The following HPSE2 variants were observed in gnomAD, a reference collection of about 807,000 sequenced individuals.
The protein encoded by HPSE2 is inactive heparanase-2.
Under a neutral mutation model 60.5 loss-of-function variants are expected in HPSE2, and 38 were observed. That is an observed-to-expected ratio of 0.63 (90% CI 0.48 to 0.82). The LOEUF (loss-of-function observed/expected upper bound fraction) is 0.82. Among genes scored for constraint, HPSE2 ranks in the 40% least tolerant of loss-of-function variants. The pLI is 0.00. For missense variants in HPSE2, 713 were observed against 740.4 expected, an observed-to-expected ratio of 0.96 and a Z score of 0.43; for synonymous variants, 295 against 293.2, an observed-to-expected ratio of 1.01 and a Z score of -0.06.
chr10:99,263,375 A>G, the HPSE2 span, among the ~76,000 whole-genome samples: 2 of 152,010 alleles, frequency 1.3e-5, no homozygotes, highest in Non-Finnish European at 2.9e-5. Flanking sequence ...ATTTATGCTG[A>G]CTCTAAATAT....
chr10:98,724,430 A>C (rs1003518401), intron 4 of HPSE2, among the ~76,000 whole-genome samples: 7 of 152,160 alleles, frequency 4.6e-5, no homozygotes, highest in Non-Finnish European at 1.0e-4. Context: ...GCTGAAAAGA[A>C]TGTATATTCT....
At chr10:98,805,054 T>C (rs1951010522) in intron 3 of HPSE2, among the ~76,000 whole-genome samples, 1 of 152,180 alleles carries the variant, frequency 6.6e-6, no homozygotes, top group South Asian at 2.1e-4. Flanking sequence ...ACATCGCATG[T>C]TCTTACTTAC....
At chr10:98,735,043 G>A (rs189798435) in intron 4 of HPSE2, among the ~76,000 whole-genome samples, 4 of 152,102 alleles carry the variant, frequency 2.6e-5, no homozygotes, top group Admixed American at 6.5e-5. Context: ...TTTACTCTTC[G>A]TGTTATACAG....
At chr10:99,246,745 CAAA>C in the HPSE2 span, among the ~76,000 whole-genome samples, 28 of 149,470 alleles carry the variant, frequency 1.9e-4, no homozygotes, top group African/African-American at 6.1e-4. Flanking sequence ...GACTCCATCT[CAAA>C]AAAAAAAAAA....
At chr10:98,537,675 C>T (rs371412767) in intron 9 of HPSE2, among the ~76,000 whole-genome samples, 56 of 152,234 alleles carry the variant, frequency 3.7e-4, no homozygotes, top group African/African-American at 1.2e-3. Flanking sequence ...CAAGCGGTAA[C>T]GCCAGTGTCT....
intron 6 of HPSE2, among the ~76,000 whole-genome samples, chr10:98,644,776 CCTT>C (rs1946724531): frequency 6.6e-6 from 1 of 152,180 alleles, no homozygotes; most frequent in South Asian, 2.1e-4. Context: ...TCCAATTGCT[CCTT>C]CATGTGATAC....
At chr10:98,495,490 T>C (rs1941804514) in intron 9 of HPSE2, among the ~76,000 whole-genome samples, 1 of 152,192 alleles carries the variant, frequency 6.6e-6, no homozygotes, top group South Asian at 2.1e-4. Flanking sequence ...TCTCTTCTCC[T>C]TCTGGGACTC....
chr10:98,614,543 T>C (rs912837733), intron 9 of HPSE2, among the ~76,000 whole-genome samples: 4 of 152,116 alleles, frequency 2.6e-5, no homozygotes, highest in Non-Finnish European at 5.9e-5. Flanking sequence ...CCACCCGCCT[T>C]GGCCTCCCAA....
the HPSE2 span, among the ~76,000 whole-genome samples, chr10:99,314,642 T>C: frequency 1.0e-4 from 16 of 152,384 alleles, no homozygotes; most frequent in African/African-American, 3.8e-4. Context: ...GGTATGGCTG[T>C]ATCTCTTAAT....
At position 98,656,246 on chromosome 10, in the gene HPSE2, C is replaced by A. The variant is rs149316700; in HGVS notation, c.1005-14306G>T. Among the ~76,000 whole-genome samples the A allele has an allele frequency of 1.5e-3, 230 of 152,236 alleles. 3 individuals carry two copies. The highest frequency in any genetic ancestry group is 5.3e-3 in the African/African-American group (219 of 41,552). On this transcript the variant is annotated intron_variant, in intron 6 of 11. Coordinates refer to ENST00000370552, the MANE Select transcript of HPSE2 (RefSeq NM_021828.5). ...GACTACAGGCGCATCCCACCACACC[C>A]GGCTAATGCTTTGTAATTTTAGTAC...
At chr10:98,583,592 C>T (rs1944862492) in intron 9 of HPSE2, among the ~76,000 whole-genome samples, 1 of 152,216 alleles carries the variant, frequency 6.6e-6, no homozygotes, top group Non-Finnish European at 1.5e-5. Flanking sequence ...TGTAACCTTC[C>T]TCTTTTCCCC....
chr10:98,698,491 G>C (rs1468257323), intron 5 of HPSE2, among the ~76,000 whole-genome samples: 1 of 152,000 alleles, frequency 6.6e-6, no homozygotes, highest in Non-Finnish European at 1.5e-5. Context: ...ATTCAAAGCA[G>C]TGTGAAGAGG....
intron 2 of HPSE2, among the ~76,000 whole-genome samples, chr10:99,163,032 ACT>A (rs1180649634): frequency 1.3e-5 from 2 of 151,996 alleles, no homozygotes. Context: ...ACACGGTGAA[ACT>A]CTGTCTCTAC....
Position 98,614,935 on chromosome 10 carries a change from T to C in HPSE2, c.1289A>G (p.His430Arg). ...TGGGTTAAAATTCTGGTCCACGAGG[T>C]GATTGTATCCATGGTCAAAAAATGA... ...RHSFFDHGYN[H>R]LVDQNFNPLP... is the part of the protein sequence containing the mutation. The change falls in exon 9 of 12, where the codon CAC (histidine) becomes CGC (arginine). Residue 430 changes from histidine (H) to arginine (R), a missense_variant. His to Arg is a conservative substitution (Grantham distance 29). Coordinates refer to ENST00000370552, the MANE Select transcript of HPSE2 (RefSeq NM_021828.5). The C allele has an allele frequency of 3.1e-6, 5 of 1,613,880 alleles. No individual in the cohort carries two copies. Among genetic ancestry groups the C allele is most frequent in the Non-Finnish European group, 4.2e-6 (5 of 1,179,752 alleles).
At chr10:98,995,746 A>C (rs1956629126) in intron 3 of HPSE2, among the ~76,000 whole-genome samples, 1 of 152,148 alleles carries the variant, frequency 6.6e-6, no homozygotes, top group East Asian at 1.9e-4. Context: ...CTTAAAAATC[A>C]GTAAATAAAA....
rs917179096 is a variant in HPSE2, at chr10:98,688,359, AT to A, written c.1004+5540del. 2.6e-4 allele frequency among the ~76,000 whole-genome samples: 40 copies of A among 150,950 alleles called. 1 individual carries two copies. The highest frequency in any genetic ancestry group is 1.5e-5 in the Non-Finnish European group (1 of 67,794). ...AATTGGGGAAAAAGTAGCCTTTTAT[AT>A]TTAGCCACAAATGTACCATTTCCAA... On this transcript the variant is annotated intron_variant, in intron 6 of 11. Transcript: ENST00000370552.
intron 6 of HPSE2, among the ~76,000 whole-genome samples, chr10:98,675,039 G>A (rs796411849): frequency 3.3e-5 from 5 of 152,122 alleles, no homozygotes; most frequent in South Asian, 2.1e-4. Context: ...TATAAAAAAC[G>A]TATTAAACAC....
intron 2 of HPSE2, among the ~76,000 whole-genome samples, chr10:99,175,007 A>C (rs1337591159): frequency 6.6e-6 from 1 of 152,072 alleles, no homozygotes; most frequent in African/African-American, 2.4e-5. Flanking sequence ...AGAAACCGCA[A>C]GGGGGTGGTG....
chr10:99,250,030 C>G, the HPSE2 span, among the ~76,000 whole-genome samples: 10 of 151,804 alleles, frequency 6.6e-5, no homozygotes, highest in Middle Eastern at 3.4e-3. Flanking sequence ...GTAATCCCAG[C>G]TACTCAGGAG....
Sources: allele counts gnomAD v4.1 joint callset (sites outside exome capture counted in the v4.1 genomes callset), GRCh38; gene constraint gnomAD v4.1.1; transcripts MANE v1.5; gene names NCBI Gene and HGNC (gene_info 2026-07-23, HGNC 2026-07-21).